Variants in PLXNA2 observed in about 807,000 individuals in gnomAD.
PLXNA2 encodes the protein plexin A2.
In PLXNA2, 91 loss-of-function variants were observed where a neutral mutation model predicts 193.5. The observed-to-expected ratio is 0.47, with a 90% CI of 0.40 to 0.56. The LOEUF (loss-of-function observed/expected upper bound fraction) is 0.56, where lower values mean the gene tolerates loss of function less well. Among genes scored for constraint, PLXNA2 ranks in the 20% least tolerant of loss-of-function variants. The pLI is 0.00. For missense variants in PLXNA2, 1,995 were observed against 2,503.2 expected, an observed-to-expected ratio of 0.80 and a Z score of 4.33; for synonymous variants, 997 against 1,027.3, an observed-to-expected ratio of 0.97 and a Z score of 0.56.
At position 208,223,231 on chromosome 1, in the gene PLXNA2, GT is replaced by G. The variant is rs5780442; in HGVS notation, c.-80-5230del. Among the ~76,000 whole-genome samples, 851 of 141,530 alleles carry G rather than the reference GT, an allele frequency of 6.0e-3. 4 individuals are homozygous for G. Among genetic ancestry groups the G allele is most frequent in the African/African-American group, 0.013 (510 of 38,116 alleles). 92.8% of individuals were successfully genotyped at this position (141,530 alleles called of 152,430 possible). On this transcript the variant is annotated intron_variant, in intron 1 of 31. Transcript: ENST00000367033. Reference sequence around the variant, plus strand: ...GATTATAAGATTATTCCAACCCACTGTTTTTTTTTTTTTTTAATATGAAAGA... The same window carrying G: ...GATTATAAGATTATTCCAACCCACTGTTTTTTTTTTTTTTAATATGAAAGA...
At chr1:208,046,526 A>G (rs1366138271) in intron 17 of PLXNA2, among the ~76,000 whole-genome samples, 1 of 151,958 alleles carries the variant, frequency 6.6e-6, no homozygotes, top group Non-Finnish European at 1.5e-5. Context: ...GTAGGGAAGT[A>G]CCAGCTACTC....
Position 208,028,531 on chromosome 1 carries a change from A to G in PLXNA2, c.5438+299T>C, listed in dbSNP as rs1186546342. On this transcript the variant is annotated intron_variant, in intron 30 of 31. Transcript: ENST00000367033. The surrounding 1 kb of genome is among the most constrained non-coding windows in gnomAD (Gnocchi z 4.2). ...CCTTATCAGTAAAATGGGGATAATA[A>G]TAATACTGGCTTCACAACTCTGCTG... 6.6e-6 allele frequency among the ~76,000 whole-genome samples: 1 copy of G among 152,214 alleles called. No individual in the cohort carries two copies. Among genetic ancestry groups the G allele is most frequent in the East Asian group, 1.9e-4 (1 of 5,184 alleles).
In PLXNA2 at chr1:208,082,440, G is replaced by A; in HGVS notation, c.2367C>T (p.Phe789=). The A allele has an allele frequency of 6.2e-7, 1 of 1,614,126 alleles. No homozygotes were observed. The highest frequency in any genetic ancestry group is 8.5e-7 in the Non-Finnish European group (1 of 1,179,998). The part of the protein sequence containing the change: ...VDFAVVWNGN[F]IIDNPQDLKV... ...TCAGGTCCTGAGGGTTGTCAATGAT[G>A]AAATTGCCGTTCCACACCACAGCGA... The change falls in exon 11 of 32, where the codon TTC becomes TTT. Residue 789 remains phenylalanine, a synonymous_variant. Coordinates refer to ENST00000367033, the MANE Select transcript of PLXNA2 (RefSeq NM_025179.4). The surrounding 1 kb of genome is among the most constrained non-coding windows in gnomAD (Gnocchi z 4.2).
chr1:208,036,402 T>A (rs1397687152), intron 26 of PLXNA2, among the ~76,000 whole-genome samples: 2 of 152,312 alleles, frequency 1.3e-5, no homozygotes, highest in Non-Finnish European at 2.9e-5. Flanking sequence ...AACCAACAGG[T>A]GGTGCAAGTC....
At chr1:208,193,417 C>T (rs762556460) in intron 3 of PLXNA2, among the ~76,000 whole-genome samples, 12 of 152,182 alleles carry the variant, frequency 7.9e-5, no homozygotes, top group Non-Finnish European at 1.6e-4. Flanking sequence ...CATCCATGTT[C>T]TAATCTCAGT....
At position 208,084,434 on chromosome 1, in the gene PLXNA2, G is replaced by T; in HGVS notation, c.2244C>A (p.His748Gln). The change falls in exon 10 of 32, where the codon CAC (histidine) becomes CAA (glutamine). Residue 748 changes from histidine to glutamine, a missense_variant. His to Gln is a conservative substitution (Grantham distance 24). Transcript: ENST00000367033. ...TGTTGAAGCGCAGAGCGGGGACCCGGTGGATGGCTCCTTGTATGTTGAGGA... is the reference window on the plus strand; with the variant it reads ...TGTTGAAGCGCAGAGCGGGGACCCGTTGGATGGCTCCTTGTATGTTGAGGA... ...ECVLNIQGAI[H>Q]RVPALRFNSS... The T allele has an allele frequency of 6.2e-7, 1 of 1,614,278 alleles. No homozygotes were observed. The highest frequency in any genetic ancestry group is 1.1e-5 in the South Asian group (1 of 91,090).
At position 208,026,531 on chromosome 1, in the gene PLXNA2, G is replaced by A. The variant is rs1413628005; in HGVS notation, c.*712C>T. ...AGCTCTTGATGGCTTTGCAATTTGT[G>A]CAAAGTTCTGGAAGTTCCATACTCC... On this transcript the variant is annotated 3_prime_UTR_variant, in exon 32 of 32. Coordinates refer to ENST00000367033, the MANE Select transcript of PLXNA2 (RefSeq NM_025179.4). 2 of 152,182 alleles carry A rather than the reference G, an allele frequency of 1.3e-5. No individual in the cohort carries two copies. The highest frequency in any genetic ancestry group is 3.8e-4 in the East Asian group (2 of 5,196). 9.4% of individuals were successfully genotyped at this position (152,182 alleles called of 1,614,324 possible). A position where few individuals can be genotyped will look rare whatever the true frequency, so the allele number is the denominator to read the frequency against.
chr1:208,119,868 C>T (rs1041823204), intron 4 of PLXNA2, among the ~76,000 whole-genome samples: 13 of 151,570 alleles, frequency 8.6e-5, no homozygotes. Context: ...ACCTGCCTAG[C>T]CTCCCAAAGT....
At chr1:208,239,015 T>TG (rs1302693293) in intron 1 of PLXNA2, among the ~76,000 whole-genome samples, 2 of 152,212 alleles carry the variant, frequency 1.3e-5, no homozygotes, top group African/African-American at 4.8e-5. Flanking sequence ...AGCTTAATGC[T>TG]GCAGGCGCCT....
At chr1:208,179,588 G>C (rs766222775) in intron 3 of PLXNA2, among the ~76,000 whole-genome samples, 7 of 152,178 alleles carry the variant, frequency 4.6e-5, no homozygotes, top group Non-Finnish European at 1.0e-4. Context: ...AAGATCAGAG[G>C]GAGAGGCTCA....
At chr1:208,241,627 A>G (rs1333460339) in intron 1 of PLXNA2, among the ~76,000 whole-genome samples, 2 of 152,182 alleles carry the variant, frequency 1.3e-5, no homozygotes, top group African/African-American at 4.8e-5. Flanking sequence ...TCTTCCCTGC[A>G]CATCGCTCCA....
intron 17 of PLXNA2, among the ~76,000 whole-genome samples, chr1:208,046,808 GT>G (rs1487821537): frequency 1.2e-5 from 1 of 82,130 alleles, no homozygotes; most frequent in African/African-American, 4.0e-5. Context: ...GTGTGTGTGT[GT>G]GTGTGTGTGT....
chr1:208,154,755 G>A (rs766672156), intron 3 of PLXNA2, among the ~76,000 whole-genome samples: 9 of 152,150 alleles, frequency 5.9e-5, no homozygotes, highest in Non-Finnish European at 1.2e-4. Flanking sequence ...ATTGTCCAGC[G>A]AAGGCTGATG....
intron 3 of PLXNA2, among the ~76,000 whole-genome samples, chr1:208,171,605 T>G (rs1215680583): frequency 6.6e-6 from 1 of 152,118 alleles, no homozygotes; most frequent in Non-Finnish European, 1.5e-5. Flanking sequence ...TCCCAGTGCT[T>G]TGGGAGGCCA....
chr1:208,136,862 C>G (rs568979289), intron 4 of PLXNA2, among the ~76,000 whole-genome samples: 1 of 152,312 alleles, frequency 6.6e-6, no homozygotes, highest in South Asian at 2.1e-4. Flanking sequence ...TCTAAGACTA[C>G]TACTAGTAAT....
Position 208,081,323 on chromosome 1 carries a change from T to C in PLXNA2, c.2395+1089A>G, listed in dbSNP as rs114760344. Among the ~76,000 whole-genome samples the C allele has an allele frequency of 4.0e-3, 609 of 152,358 alleles. 2 individuals carry two copies. The highest frequency in any genetic ancestry group is 5.5e-3 in the Non-Finnish European group (376 of 68,034). On this transcript the variant is annotated intron_variant, in intron 11 of 31. Transcript: ENST00000367033. ...GGACAGGGAGCTACAGCCCTAAAGA[T>C]GCTGAAAAACTTGCAGCCCCTGCTA...
rs1234187208 is a variant in PLXNA2 at position 208,028,015 on chromosome 1, A to T, written c.5583T>A (p.Ser1861Arg). 1 of 1,597,404 alleles carries T rather than the reference A, an allele frequency of 6.3e-7. No individual in the cohort carries two copies. Among genetic ancestry groups the T allele is most frequent in the African/African-American group, 1.3e-5 (1 of 74,334 alleles). ...TGCTGGGGCCCTGTCTCACCTCCTCACTATACTTGCTGACATAGGAGTAGA... is the reference window on the plus strand; with the variant it reads ...TGCTGGGGCCCTGTCTCACCTCCTCTCTATACTTGCTGACATAGGAGTAGA... ...NEIYSYVSKYSEELIGALEQD... is the reference protein window; with the variant it reads ...NEIYSYVSKYREELIGALEQD... The change falls in exon 31 of 32, where the codon AGT (serine) becomes AGA (arginine). Residue 1861 changes from serine (S) to arginine (R), a missense_variant. Around this residue, in one of 3 missense-constraint regions of PLXNA2, gnomAD observed 1,291 missense variants for 1,673.6 expected, o/e 0.77. Coordinates refer to ENST00000367033, the MANE Select transcript of PLXNA2 (RefSeq NM_025179.4). The surrounding 1 kb of genome is among the most constrained non-coding windows in gnomAD (Gnocchi z 4.2).
intron 3 of PLXNA2, among the ~76,000 whole-genome samples, chr1:208,158,309 C>A (rs1669000552): frequency 6.6e-6 from 1 of 152,166 alleles, no homozygotes; most frequent in South Asian, 2.1e-4. Flanking sequence ...CCATCAATCC[C>A]CAGATCTCTC....
chr1:208,074,178 CT>C (rs1214664814), intron 12 of PLXNA2, among the ~76,000 whole-genome samples: 1 of 152,164 alleles, frequency 6.6e-6, no homozygotes, highest in Non-Finnish European at 1.5e-5. Flanking sequence ...CTCATGGCCC[CT>C]TAAGAAATGT....
Sources: allele counts gnomAD v4.1 joint callset (sites outside exome capture counted in the v4.1 genomes callset), GRCh38; gene constraint gnomAD v4.1.1; regional missense constraint gnomAD v4.1.1; non-coding constraint Gnocchi (gnomAD v3.1); transcripts MANE v1.5; gene names NCBI Gene and HGNC (gene_info 2026-07-23, HGNC 2026-07-21).